Variants in ACOX3 observed in about 807,000 individuals in gnomAD.
ACOX3 encodes acyl-CoA oxidase 3, pristanoyl.
In ACOX3, 73 loss-of-function variants were observed where a neutral mutation model predicts 81.5. The observed-to-expected ratio is 0.90, with a 90% confidence interval of 0.74 to 1.09. ACOX3 has a LOEUF of 1.09. Ranked by LOEUF, ACOX3 falls within the 50% of genes least tolerant of loss-of-function variation. The pLI is 0.00. For missense variants in ACOX3, 947 were observed against 928.0 expected, an observed-to-expected ratio of 1.02 and a Z score of -0.27; for synonymous variants, 387 against 375.1, an observed-to-expected ratio of 1.03 and a Z score of -0.37.
rs533155447 is a variant in ACOX3 at position 8,373,553 on chromosome 4, C to T, written c.1896+8G>A. The T allele has an allele frequency of 1.7e-5, 27 of 1,613,590 alleles. No homozygotes were observed. In the African/African-American group the frequency reaches 1.9e-4, roughly 11 times the overall value. ...GATGTAGAGAACGCGACAGCACCCACGGCTCACCTGGGAACACAAAGCCAG... is the reference window on the plus strand; with the variant it reads ...GATGTAGAGAACGCGACAGCACCCATGGCTCACCTGGGAACACAAAGCCAG... On this transcript the variant is annotated splice_region_variant and intron_variant, in intron 16 of 17. Coordinates refer to ENST00000356406, the MANE Select transcript of ACOX3 (RefSeq NM_003501.3).
Position 8,382,949 on chromosome 4 carries a change from C to CCACTG in ACOX3, c.1538-1347_1538-1343dup, listed in dbSNP as rs2108830024. 6.7e-6 allele frequency among the ~76,000 whole-genome samples: 1 copy of CCACTG among 149,886 alleles called. No individual in the cohort carries two copies. The highest frequency in any genetic ancestry group is 2.1e-4 in the South Asian group (1 of 4,710). On this transcript the variant is annotated intron_variant, in intron 13 of 17. Coordinates refer to ENST00000356406, the MANE Select transcript of ACOX3 (RefSeq NM_003501.3). The surrounding 1 kb of genome is among the most constrained non-coding windows in gnomAD (Gnocchi z 4.1). Reference sequence around the variant, plus strand: ...GGAGTTGCAGTGAGCCGAGATCGCGCCACTGCACTCCAGCCTGGGCGACAG... The same window carrying CCACTG: ...GGAGTTGCAGTGAGCCGAGATCGCGCCACTGCACTGCACTCCAGCCTGGGCGACAG...
rs1722110026 is a variant in ACOX3 at position 8,414,451 on chromosome 4, C to T, written c.454-70G>A. 3.0e-6 allele frequency: 4 copies of T among 1,354,120 alleles called. No individual in the cohort carries two copies. Among genetic ancestry groups the T allele is most frequent in the South Asian group, 2.4e-5 (2 of 84,944 alleles). The allele number at this position is 1,354,120 out of a possible 1,614,324, so 83.9% of individuals were successfully genotyped here. A position where few individuals can be genotyped will look rare whatever the true frequency, so the allele number is the denominator to read the frequency against. ...TGTGCACATTCCCAGAAGGACCTCACTGCCATCTTTCCTTTAAAGATGAAA... is the reference window on the plus strand; with the variant it reads ...TGTGCACATTCCCAGAAGGACCTCATTGCCATCTTTCCTTTAAAGATGAAA... On this transcript the variant is annotated intron_variant, in intron 4 of 17. Transcript: ENST00000356406. The surrounding 1 kb of genome is among the most constrained non-coding windows in gnomAD (Gnocchi z 6.1).
Position 8,416,069 on chromosome 4 carries a change from T to C in ACOX3, c.145-70A>G. ...GGACTCTCCATGTGCCCTTATATAG[T>C]TGACCTCCAGGCCACAGGCTTCATG... On this transcript the variant is annotated intron_variant, in intron 2 of 17. Coordinates refer to ENST00000356406, the MANE Select transcript of ACOX3 (RefSeq NM_003501.3). This position sits in a 1 kb window ranked among gnomAD's most constrained non-coding sequence, Gnocchi z 4.2. 2 of 1,480,322 alleles carry C rather than the reference T, an allele frequency of 1.4e-6. No individual in the cohort carries two copies. The highest frequency in any genetic ancestry group is 1.2e-5 in the South Asian group (1 of 85,154). 91.7% of individuals were successfully genotyped at this position (1,480,322 alleles called of 1,614,324 possible).
chr4:8,367,049 T>C lies in ACOX3; in HGVS notation c.2015A>G (p.Gln672Arg), dbSNP rs1715539575. 1 of 1,614,102 alleles carries C rather than the reference T, an allele frequency of 6.2e-7. No individual in the cohort carries two copies. The highest frequency in any genetic ancestry group is 8.5e-7 in the Non-Finnish European group (1 of 1,180,004). ...TGCCCGCTCCAACACCTTGCTTTCC[T>C]GCAGGACAGCGCCCCAGAGGTTTTT... Reference protein sequence around the residue: ...LYKNLWGAVLQESKVLERASW... With the variant: ...LYKNLWGAVLRESKVLERASW... Residue 672 changes from glutamine to arginine, a missense_variant, in exon 18 of 18, where the codon CAG (glutamine) becomes CGG (arginine). Transcript: ENST00000356406.
rs529972547 is a variant in ACOX3, at chr4:8,399,602, C to T, written c.827G>A (p.Arg276Gln). 90 of 1,614,148 alleles carry T rather than the reference C, an allele frequency of 5.6e-5. No homozygotes were observed. The highest frequency in any genetic ancestry group is 2.9e-4 in the South Asian group (26 of 91,084). ...GCCCTCGGGGGTGACGTCTCCCATC[C>T]GGTTCAGAAGGCTCTGGCGAGGAAC... ...VRVPRQSLLN[R>Q]MGDVTPEGTY... Residue 276 changes from arginine (R) to glutamine (Q), a missense_variant, in exon 8 of 18, where the codon CGG (arginine) becomes CAG (glutamine). Transcript: ENST00000356406. The surrounding 1 kb of genome is among the most constrained non-coding windows in gnomAD (Gnocchi z 4.9).
At chr4:8,393,058 T>G (rs1719192957) in intron 10 of ACOX3, 1 of 151,168 alleles carries the variant, frequency 6.6e-6, no homozygotes. Flanking sequence ...CTCGTGAAGC[T>G]AAGCAGGGTC....
At chr4:8,440,128 C>T (rs971440129) in intron 1 of ACOX3, among the ~76,000 whole-genome samples, 2 of 152,222 alleles carry the variant, frequency 1.3e-5, no homozygotes, top group Non-Finnish European at 2.9e-5. Flanking sequence ...CCCCCAGTCA[C>T]GTTTCCCATG....
Position 8,385,029 on chromosome 4 carries a change from C to T in ACOX3, c.1538-3422G>A, listed in dbSNP as rs1446971793. On this transcript the variant is annotated intron_variant, in intron 13 of 17. Coordinates refer to ENST00000356406, the MANE Select transcript of ACOX3 (RefSeq NM_003501.3). The surrounding 1 kb of genome is among the most constrained non-coding windows in gnomAD (Gnocchi z 5.5). Reference sequence around the variant, plus strand: ...GACTGTGGCCCCCCACACGCAGCAGCCCCCCACCGAGGGCACCATGGCCTG... The same window carrying T: ...GACTGTGGCCCCCCACACGCAGCAGTCCCCCACCGAGGGCACCATGGCCTG... 6.6e-6 allele frequency among the ~76,000 whole-genome samples: 1 copy of T among 152,132 alleles called. No homozygotes were observed. The highest frequency in any genetic ancestry group is 1.5e-5 in the Non-Finnish European group (1 of 68,008).
chr4:8,355,711 G>C, the ACOX3 span: 1 of 152,156 alleles, frequency 6.6e-6, no homozygotes, highest in Non-Finnish European at 1.5e-5. Flanking sequence ...AACTATAGCA[G>C]GTTACATCAA....
rs998346538 is a variant in ACOX3 at position 8,366,762 on chromosome 4, G to C, written c.*199C>G. 4.8e-5 allele frequency: 27 copies of C among 560,616 alleles called. No individual in the cohort carries two copies. The highest frequency in any genetic ancestry group is 4.3e-4 in the African/African-American group (23 of 53,070). The allele number at this position is 560,616 out of a possible 1,614,324, so 34.7% of individuals were successfully genotyped here. On this transcript the variant is annotated 3_prime_UTR_variant, in exon 18 of 18. Coordinates refer to ENST00000356406, the MANE Select transcript of ACOX3 (RefSeq NM_003501.3). ...TCTTTTCCACGCTGCAAATCACCGC[G>C]ATCCCAGATTAGTCCAGCCGGCCGG...
chr4:8,420,457 T>G (rs1722816796), intron 1 of ACOX3, among the ~76,000 whole-genome samples: 1 of 152,194 alleles, frequency 6.6e-6, no homozygotes, highest in South Asian at 2.1e-4. Context: ...AACATGGGGC[T>G]TGTAACTCAG....
chr4:8,406,083 C>T lies in ACOX3; in HGVS notation c.688-40G>A, dbSNP rs145944359. 1.3e-6 allele frequency: 2 copies of T among 1,585,470 alleles called. No homozygotes were observed. Among genetic ancestry groups the T allele is most frequent in the East Asian group, 2.2e-5 (1 of 44,756 alleles). Reference sequence around the variant, plus strand: ...AGAAAGCAGCAAACAGCAACTGTTACAATCACACAAAAATCAAAACAAATG... The same window carrying T: ...AGAAAGCAGCAAACAGCAACTGTTATAATCACACAAAAATCAAAACAAATG... On this transcript the variant is annotated intron_variant, in intron 6 of 17. Coordinates refer to ENST00000356406, the MANE Select transcript of ACOX3 (RefSeq NM_003501.3). This position sits in a 1 kb window ranked among gnomAD's most constrained non-coding sequence, Gnocchi z 5.6.
Position 8,386,005 on chromosome 4 carries a change from T to C in ACOX3, c.1537+3168A>G, listed in dbSNP as rs536491628. Among the ~76,000 whole-genome samples, 1 of 152,336 alleles carries C rather than the reference T, an allele frequency of 6.6e-6. No individual in the cohort carries two copies. Among genetic ancestry groups the C allele is most frequent in the African/African-American group, 2.4e-5 (1 of 41,578 alleles). Reference sequence around the variant, plus strand: ...TTCACTTTGTTGCATCTTGTAAATATTAGAGCAGTTGCAGAAAAGCAGATG... The same window carrying C: ...TTCACTTTGTTGCATCTTGTAAATACTAGAGCAGTTGCAGAAAAGCAGATG... On this transcript the variant is annotated intron_variant, in intron 13 of 17. Transcript: ENST00000356406. This position sits in a 1 kb window ranked among gnomAD's most constrained non-coding sequence, Gnocchi z 5.2.
chr4:8,372,395 C>T (rs374136723), intron 16 of ACOX3, among the ~76,000 whole-genome samples: 6 of 152,184 alleles, frequency 3.9e-5, no homozygotes, highest in African/African-American at 1.4e-4. Context: ...CCACCACACC[C>T]GGACACTTTT....
At chr4:8,429,794 G>A (rs918978607) in intron 1 of ACOX3, among the ~76,000 whole-genome samples, 2 of 152,146 alleles carry the variant, frequency 1.3e-5, no homozygotes, top group Admixed American at 6.5e-5. Context: ...AGAGCCAGGC[G>A]TTGTGCGCCA....
chr4:8,367,286 C>G (rs968040777), intron 17 of ACOX3, among the ~76,000 whole-genome samples: 5 of 152,072 alleles, frequency 3.3e-5, no homozygotes, highest in African/African-American at 1.2e-4. Flanking sequence ...TTTAGATCAG[C>G]CTGACCAACA....
At chr4:8,439,855 T>A (rs938117759) in intron 1 of ACOX3, among the ~76,000 whole-genome samples, 1 of 152,184 alleles carries the variant, frequency 6.6e-6, no homozygotes, top group Non-Finnish European at 1.5e-5. Context: ...AGGAGACCAC[T>A]ACTACTCCTG....
rs1205560727 is a variant in ACOX3 at position 8,381,215 on chromosome 4, C to G, written c.1653+277G>C. 6.6e-6 allele frequency among the ~76,000 whole-genome samples: 1 copy of G among 152,194 alleles called. No homozygotes were observed. Among genetic ancestry groups the G allele is most frequent in the Admixed American group, 6.5e-5 (1 of 15,288 alleles). On this transcript the variant is annotated intron_variant, in intron 14 of 17. Transcript: ENST00000356406. The surrounding 1 kb of genome is among the most constrained non-coding windows in gnomAD (Gnocchi z 4.3). Reference sequence around the variant, plus strand: ...CCACTCTGTGCATCCAAGGCTCTCACAACCCAGAGCTTCACCGCTCTGGTT... The same window carrying G: ...CCACTCTGTGCATCCAAGGCTCTCAGAACCCAGAGCTTCACCGCTCTGGTT...
rs796168823 is a variant in ACOX3 at position 8,368,002 on chromosome 4, A to AG, written c.1984-923_1984-922insC. On this transcript the variant is annotated intron_variant, in intron 17 of 17. Transcript: ENST00000356406. The surrounding 1 kb of genome is among the most constrained non-coding windows in gnomAD (Gnocchi z 5.9). Reference sequence around the variant, plus strand: ...GTGAGATCCTATCTCAAAAAAAAAAAAAAAGAACTGATCGTGGCAGTGGAC... The same window carrying AG: ...GTGAGATCCTATCTCAAAAAAAAAAAGAAAAGAACTGATCGTGGCAGTGGAC... 1.2e-4 allele frequency among the ~76,000 whole-genome samples: 18 copies of AG among 151,892 alleles called. No homozygotes were observed. The highest frequency in any genetic ancestry group is 4.1e-4 in the African/African-American group (17 of 41,458).
Sources: gnomAD v4.1 joint callset for allele counts (sites outside exome capture counted in the v4.1 genomes callset) on GRCh38, gnomAD v4.1.1 for gene constraint, Gnocchi (gnomAD v3.1) non-coding constraint, MANE v1.5 for transcripts, NCBI Gene and HGNC (gene_info 2026-07-23, HGNC 2026-07-21) for gene names.